Variants in TEK observed in about 807,000 individuals in gnomAD.
The protein encoded by TEK is TEK receptor tyrosine kinase.
In TEK, 43 loss-of-function variants were observed where a neutral mutation model predicts 131.8. The observed-to-expected ratio is 0.33, with a 90% CI of 0.26 to 0.42. The LOEUF (loss-of-function observed/expected upper bound fraction) is 0.42. TEK is among the 10% of genes least tolerant of loss of function. The pLI is 1.00. For missense variants in TEK, 1,162 were observed against 1,384.4 expected (o/e 0.84, Z 2.55); for synonymous variants, 580 against 491.6 (o/e 1.18, Z -2.38).
At chr9:27,222,344 A>C (rs1826119254) in intron 21 of TEK, among the ~76,000 whole-genome samples, 1 of 152,206 alleles carries the variant, frequency 6.6e-6, no homozygotes, top group Non-Finnish European at 1.5e-5. Context: ...CAACATTCAA[A>C]TTCACAAAAT....
chr9:27,173,078 AAGG>A, intron 5 of TEK, 141 bp from the exon 6 acceptor site: 1 of 1,044,900 alleles, frequency 9.6e-7, no homozygotes, highest in Non-Finnish European at 1.4e-6. Flanking sequence ...AATGGGCCAT[AAGG>A]GTATGTTCAT....
chr9:27,179,109 G>T (rs1409821410), intron 6 of TEK, among the ~76,000 whole-genome samples: 1 of 151,858 alleles, frequency 6.6e-6, no homozygotes, highest in Admixed American at 6.6e-5. Flanking sequence ...TTGTCTCTTG[G>T]GTCCCTAAGG....
intron 2 of TEK, among the ~76,000 whole-genome samples, chr9:27,161,892 T>A (rs557520144): frequency 6.6e-6 from 1 of 152,346 alleles, no homozygotes; most frequent in South Asian, 2.1e-4. Context: ...ATTATCTGCT[T>A]CACAGTAAAT....
intron 18 of TEK, among the ~76,000 whole-genome samples, chr9:27,214,788 G>A (rs889532826): frequency 6.6e-6 from 1 of 152,022 alleles, no homozygotes; most frequent in Non-Finnish European, 1.5e-5. Flanking sequence ...GGCTCTTCGA[G>A]GGCCCTGCAT....
intron 1 of TEK, among the ~76,000 whole-genome samples, chr9:27,141,767 G>A (rs1394067345): frequency 6.6e-6 from 1 of 152,152 alleles, no homozygotes; most frequent in Non-Finnish European, 1.5e-5. Context: ...GAATTAAGTG[G>A]ATATACTTCC....
intron 1 of TEK, among the ~76,000 whole-genome samples, chr9:27,143,712 A>G (rs1340727391): frequency 6.6e-6 from 1 of 152,208 alleles, no homozygotes; most frequent in Non-Finnish European, 1.5e-5. Context: ...ACATAGGAAG[A>G]TAAAGGAGAA....
At chr9:27,158,540 A>C (rs939081054) in intron 2 of TEK, among the ~76,000 whole-genome samples, 1 of 152,168 alleles carries the variant, frequency 6.6e-6, no homozygotes, top group African/African-American at 2.4e-5. Context: ...TTGTCCCTAA[A>C]TACCCTTAAT....
In TEK at chr9:27,190,557, C is replaced by A; in HGVS notation, c.1356C>A (p.Asn452Lys). The change falls in exon 10 of 23, where the codon AAC becomes AAA. Residue 452 changes from asparagine (N) to lysine (K), a missense_variant. By Grantham distance (94) the Asn-to-Lys change is moderately conservative (BLOSUM62 0). Coordinates refer to ENST00000380036, the MANE Select transcript of TEK (RefSeq NM_000459.5). The part of the protein sequence containing the change: ...KVLPKPLNAP[N>K]VIDTGHNFAV... ...TTCCAAAGCCCCTGAATGCCCCAAACGTGATTGACACTGGACATAACTTTG... is the reference window on the plus strand; with the variant it reads ...TTCCAAAGCCCCTGAATGCCCCAAAAGTGATTGACACTGGACATAACTTTG... 3 of 1,613,988 alleles carry A rather than the reference C, an allele frequency of 1.9e-6. No homozygotes were observed. Among genetic ancestry groups the A allele is most frequent in the Non-Finnish European group, 2.5e-6 (3 of 1,179,904 alleles).
At chr9:27,161,309 T>C (rs1159842693) in intron 2 of TEK, among the ~76,000 whole-genome samples, 1 of 152,244 alleles carries the variant, frequency 6.6e-6, no homozygotes, top group African/African-American at 2.4e-5. Context: ...CTGTGTGGCC[T>C]TTGGCAAGTT....
intron 1 of TEK, among the ~76,000 whole-genome samples, chr9:27,136,602 C>T (rs1362172680): frequency 6.6e-6 from 1 of 152,114 alleles, no homozygotes; most frequent in Non-Finnish European, 1.5e-5. Flanking sequence ...TACAGAGACA[C>T]GGGGACTGAC....
intron 21 of TEK, among the ~76,000 whole-genome samples, chr9:27,223,330 T>C (rs1031589400): frequency 4.6e-5 from 7 of 152,192 alleles, no homozygotes; most frequent in Non-Finnish European, 7.3e-5. Flanking sequence ...TACATTCTTC[T>C]CAGCACCTCA....
intron 16 of TEK, among the ~76,000 whole-genome samples, chr9:27,211,459 T>TTG (rs1825628359): frequency 3.7e-5 from 1 of 27,352 alleles, no homozygotes; most frequent in Non-Finnish European, 6.0e-5. Context: ...TTTTTTGAGA[T>TTG]AGATAGATAG....
At chr9:27,172,847 T>C in intron 5 of TEK, 100 bp downstream of exon 5, 1 of 1,509,128 alleles carries the variant, frequency 6.6e-7, no homozygotes, top group South Asian at 1.2e-5. Flanking sequence ...GGACGCTAAA[T>C]GGCCTCTGTT....
intron 1 of TEK, among the ~76,000 whole-genome samples, chr9:27,124,023 C>T (rs908514148): frequency 6.6e-6 from 1 of 152,230 alleles, no homozygotes; most frequent in South Asian, 2.1e-4. Context: ...GTGACCCACC[C>T]TCCTTGGCCT....
chr9:27,129,013 T>C (rs1587488990), intron 1 of TEK, among the ~76,000 whole-genome samples: 1 of 152,166 alleles, frequency 6.6e-6, no homozygotes, highest in African/African-American at 2.4e-5. Context: ...CAATCCTATG[T>C]TGAATAGGAG....
At chr9:27,222,186 A>C (rs473205) in intron 21 of TEK, among the ~76,000 whole-genome samples, 1 of 151,914 alleles carries the variant, frequency 6.6e-6, no homozygotes, top group Non-Finnish European at 1.5e-5. Flanking sequence ...TAGAGAAAAA[A>C]TAATGAAAAG....
At chr9:27,214,184 AAG>A (rs1303131633) in intron 18 of TEK, among the ~76,000 whole-genome samples, 2 of 152,248 alleles carry the variant, frequency 1.3e-5, no homozygotes, top group Non-Finnish European at 2.9e-5. Flanking sequence ...GTCTTAGAGG[AAG>A]AGAGATACTC....
chr9:27,206,830 G>A, intron 15 of TEK, 38 bp downstream of exon 15: 1 of 1,601,312 alleles, frequency 6.2e-7, no homozygotes, highest in Non-Finnish European at 8.5e-7. Context: ...ATTGCGTGAG[G>A]GTGTGGAGAA....
chr9:27,156,051 C>T (rs1823320482), intron 1 of TEK, among the ~76,000 whole-genome samples: 1 of 152,140 alleles, frequency 6.6e-6, no homozygotes, highest in Non-Finnish European at 1.5e-5. Flanking sequence ...GATCCCCCTG[C>T]CTCGGCCTCC....
Sources: gnomAD v4.1 joint callset for allele counts (sites outside exome capture counted in the v4.1 genomes callset) on GRCh38, gnomAD v4.1.1 for gene constraint, MANE v1.5 for transcripts, NCBI Gene and HGNC (gene_info 2026-07-23, HGNC 2026-07-21) for gene names.